The following NFATC2 variants were observed in gnomAD, a reference collection of about 807,000 sequenced individuals.
The protein encoded by NFATC2 is nuclear factor of activated T-cells, cytoplasmic 2.
A neutral mutation model predicts 87.3 loss-of-function variants in NFATC2; 22 were observed. The observed-to-expected ratio is 0.25, with a 90% CI of 0.18 to 0.36. NFATC2 has a LOEUF of 0.36. NFATC2 is among the 10% of genes least tolerant of loss of function. The probability of loss-of-function intolerance (pLI) is 1.00; values close to 1 mark genes in which losing one functional copy is unlikely to be tolerated. For missense variants in NFATC2, 1,149 were observed against 1,259.1 expected, an observed-to-expected ratio of 0.91 and a Z score of 1.32; for synonymous variants, 565 against 542.2, an observed-to-expected ratio of 1.04 and a Z score of -0.58.
chr20:51,388,793 A>G lies in NFATC2; in HGVS notation c.*2703T>C, dbSNP rs971174691. On this transcript the variant is annotated 3_prime_UTR_variant, in exon 11 of 11. Coordinates refer to ENST00000371564, the MANE Select transcript of NFATC2 (RefSeq NM_012340.5). ...GTGCTACATATTTACATTAACTTAG[A>G]TGTAGCAGTGCAAACCTTCACTCAA... 1 of 152,208 alleles carries G rather than the reference A, an allele frequency of 6.6e-6. No individual in the cohort carries two copies. Among genetic ancestry groups the G allele is most frequent in the African/African-American group, 2.4e-5 (1 of 41,436 alleles). The allele number at this position is 152,208 out of a possible 1,614,324, so 9.4% of individuals were successfully genotyped here.
At chr20:51,443,457 C>T (rs1417863108) in intron 6 of NFATC2, among the ~76,000 whole-genome samples, 1 of 152,212 alleles carries the variant, frequency 6.6e-6, no homozygotes, top group African/African-American at 2.4e-5. Context: ...ACTGACCTCT[C>T]CAGCCGCAGG....
chr20:51,520,235 CT>C (rs1450995721), intron 2 of NFATC2, among the ~76,000 whole-genome samples: 1 of 152,202 alleles, frequency 6.6e-6, no homozygotes, highest in Admixed American at 6.5e-5. Context: ...AGCAGTGTCC[CT>C]CCCTATTCTC....
At chr20:51,468,793 G>A (rs143671081) in intron 5 of NFATC2, among the ~76,000 whole-genome samples, 40 of 152,360 alleles carry the variant, frequency 2.6e-4, no homozygotes, top group African/African-American at 7.5e-4. Context: ...GGGGCACCCC[G>A]TACCGTGTGG....
chr20:51,525,892 C>CT (rs1418750936), intron 1 of NFATC2, among the ~76,000 whole-genome samples: 1 of 151,798 alleles, frequency 6.6e-6, no homozygotes, highest in Non-Finnish European at 1.5e-5. Flanking sequence ...CCTAAAGTCA[C>CT]TAACGCAGCA....
At chr20:51,507,292 T>C (rs1244982283) in intron 3 of NFATC2, among the ~76,000 whole-genome samples, 1 of 152,188 alleles carries the variant, frequency 6.6e-6, no homozygotes, top group Non-Finnish European at 1.5e-5. Context: ...ACCATGTGGT[T>C]GCAAGGATGA....
rs1478123647 is a variant in NFATC2 at position 51,488,849 on chromosome 20, A to G, written c.1333-13189T>C. Reference sequence around the variant, plus strand: ...ATCTTTTAAAAGCAAATGAGATCCTATCACTTCCCTACTTAAAATCCCCCC... The same window carrying G: ...ATCTTTTAAAAGCAAATGAGATCCTGTCACTTCCCTACTTAAAATCCCCCC... On this transcript the variant is annotated intron_variant, in intron 3 of 10. Transcript: ENST00000371564. Among the ~76,000 whole-genome samples, 6 of 152,176 alleles carry G rather than the reference A, an allele frequency of 3.9e-5. No homozygotes were observed. The East Asian group carries it at 1.2e-3, about 29-fold the overall frequency.
chr20:51,535,188 C>T (rs1300253950), intron 1 of NFATC2, among the ~76,000 whole-genome samples: 1 of 152,196 alleles, frequency 6.6e-6, no homozygotes, highest in Non-Finnish European at 1.5e-5. Context: ...CCTCCTGCAA[C>T]AGGACTCGCC....
chr20:51,501,605 C>A (rs1600884823), intron 3 of NFATC2, among the ~76,000 whole-genome samples: 1 of 152,210 alleles, frequency 6.6e-6, no homozygotes, highest in South Asian at 2.1e-4. Flanking sequence ...GGCACCCCTT[C>A]AGGAAGTTCT....
intron 6 of NFATC2, among the ~76,000 whole-genome samples, chr20:51,438,535 T>C (rs1005787296): frequency 3.3e-5 from 5 of 151,620 alleles, no homozygotes; most frequent in Non-Finnish European, 5.9e-5. Flanking sequence ...AAGTATTAAG[T>C]AGGATCCATA....
intron 6 of NFATC2, among the ~76,000 whole-genome samples, chr20:51,450,526 C>T (rs1208764972): frequency 6.6e-6 from 1 of 152,192 alleles, no homozygotes; most frequent in East Asian, 1.9e-4. Flanking sequence ...TAACGATGAA[C>T]ATCCCATGAG....
intron 10 of NFATC2, among the ~76,000 whole-genome samples, chr20:51,391,662 A>C (rs1257537488): frequency 6.6e-6 from 1 of 151,050 alleles, no homozygotes; most frequent in Non-Finnish European, 1.5e-5. Flanking sequence ...ATACAGGTGC[A>C]CGCCACCACA....
At chr20:51,519,914 T>TAAAA (rs764620449) in intron 2 of NFATC2, among the ~76,000 whole-genome samples, 3,477 of 128,360 alleles carry the variant, frequency 0.027, 140 homozygotes, top group African/African-American at 0.094. Flanking sequence ...AGACTCCATC[T>TAAAA]AAAAAAAAAA....
chr20:51,437,023 A>G (rs562684027), intron 6 of NFATC2, among the ~76,000 whole-genome samples: 8 of 151,866 alleles, frequency 5.3e-5, no homozygotes, highest in African/African-American at 1.9e-4. Context: ...CATGTCACTC[A>G]TAACTACTGA....
intron 9 of NFATC2, among the ~76,000 whole-genome samples, chr20:51,425,841 C>T (rs960466251): frequency 3.9e-5 from 6 of 152,202 alleles, no homozygotes; most frequent in African/African-American, 4.8e-5. Context: ...CAAAGCACAT[C>T]CATGGCCCCT....
intron 6 of NFATC2, among the ~76,000 whole-genome samples, chr20:51,439,552 T>C (rs1984033773): frequency 6.6e-6 from 1 of 152,096 alleles, no homozygotes; most frequent in East Asian, 1.9e-4. Context: ...AGCCGCCACA[T>C]CCCACAGCCT....
At chr20:51,496,512 C>A (rs1385976823) in intron 3 of NFATC2, among the ~76,000 whole-genome samples, 1 of 151,862 alleles carries the variant, frequency 6.6e-6, no homozygotes, top group African/African-American at 2.4e-5. Flanking sequence ...TGACCCAGAG[C>A]CTCACTACCT....
chr20:51,486,185 TG>T, intron 3 of NFATC2, among the ~76,000 whole-genome samples: 1 of 151,584 alleles, frequency 6.6e-6, no homozygotes, highest in East Asian at 1.9e-4. Flanking sequence ...CACTCCAGCC[TG>T]GGTGACAGAG....
intron 1 of NFATC2, among the ~76,000 whole-genome samples, chr20:51,561,324 TAA>T (rs10656009): frequency 2.7e-5 from 1 of 36,882 alleles, no homozygotes; most frequent in Non-Finnish European, 5.2e-5. Context: ...TCAATCTAGT[TAA>T]AAAAAAAAAA....
intron 9 of NFATC2, among the ~76,000 whole-genome samples, chr20:51,428,306 A>G (rs1982168228): frequency 6.6e-6 from 1 of 152,224 alleles, no homozygotes. Context: ...TGTATGAACC[A>G]TATGTTTCTG....
Sources: allele counts gnomAD v4.1 joint callset (sites outside exome capture counted in the v4.1 genomes callset), GRCh38; gene constraint gnomAD v4.1.1; transcripts MANE v1.5; gene names NCBI Gene and HGNC (gene_info 2026-07-23, HGNC 2026-07-21).